The following FBXO47 variants were observed in gnomAD, a reference collection of about 807,000 sequenced individuals.
The protein encoded by FBXO47 is F-box protein 47, also known as F-box only protein 47.
FBXO47 carries 34 observed loss-of-function variants against 53.9 expected under a neutral mutation model. The observed-to-expected ratio is 0.63, with a 90% CI of 0.48 to 0.84. FBXO47 has a LOEUF of 0.84. Among genes scored for constraint, FBXO47 ranks in the 40% least tolerant of loss-of-function variants. FBXO47 has a pLI of 0.00. For synonymous variants in FBXO47, 165 were observed against 181.6 expected (o/e 0.91, Z 0.73); for missense variants, 485 against 541.3 (o/e 0.90, Z 1.03).
intron 1 of FBXO47, among the ~76,000 whole-genome samples, chr17:38,964,386 A>C (rs912106559): frequency 2.0e-5 from 3 of 152,154 alleles, no homozygotes; most frequent in Non-Finnish European, 4.4e-5. Context: ...ACCTGAGGTC[A>C]GGAGTTCGAG....
intron 6 of FBXO47, among the ~76,000 whole-genome samples, chr17:38,947,081 A>AATATAT (rs1904975241): frequency 7.9e-6 from 1 of 126,458 alleles, no homozygotes; most frequent in African/African-American, 3.1e-5. Flanking sequence ...AACATATATA[A>AATATAT]ACATATATAT....
chr17:38,955,829 A>G (rs2143948237), intron 4 of FBXO47, among the ~76,000 whole-genome samples: 1 of 151,854 alleles, frequency 6.6e-6, no homozygotes. Flanking sequence ...GTGGTGGCGC[A>G]CGCCTGTAAT....
intron 1 of FBXO47, among the ~76,000 whole-genome samples, chr17:38,966,145 T>C (rs1271582584): frequency 6.6e-6 from 1 of 152,120 alleles, no homozygotes; most frequent in African/African-American, 2.4e-5. Flanking sequence ...CCAAGTAAAA[T>C]AATCTTAATT....
chr17:38,965,837 C>T (rs1906085774), intron 1 of FBXO47, among the ~76,000 whole-genome samples: 1 of 145,874 alleles, frequency 6.9e-6, no homozygotes, highest in South Asian at 2.2e-4. Flanking sequence ...GAGCCGAGAT[C>T]ACACCACTGC....
intron 6 of FBXO47, among the ~76,000 whole-genome samples, chr17:38,947,733 T>TCC (rs961685303): frequency 9.2e-5 from 14 of 151,840 alleles, no homozygotes; most frequent in Admixed American, 8.6e-4. Context: ...CATGGTGAAA[T>TCC]CCCGTCTTTA....
intron 9 of FBXO47, among the ~76,000 whole-genome samples, chr17:38,941,781 C>G (rs1904524589): frequency 6.6e-6 from 1 of 151,360 alleles, no homozygotes; most frequent in Non-Finnish European, 1.5e-5. Context: ...TCAATCAATC[C>G]TCCCACCTCA....
intron 5 of FBXO47, among the ~76,000 whole-genome samples, chr17:38,953,948 A>C (rs1179628832): frequency 6.6e-6 from 1 of 152,184 alleles, no homozygotes; most frequent in African/African-American, 2.4e-5. Context: ...GCACAGCAAG[A>C]TTCTTACGGG....
chr17:38,962,149 T>A, intron 2 of FBXO47, 102 bp from the exon 3 acceptor site: 2 of 899,050 alleles, frequency 2.2e-6, no homozygotes, highest in Non-Finnish European at 3.3e-6. Flanking sequence ...ATCGTCATCA[T>A]TATCACCATC....
At chr17:38,952,656 A>T (rs1905353521) in intron 5 of FBXO47, among the ~76,000 whole-genome samples, 1 of 152,050 alleles carries the variant, frequency 6.6e-6, no homozygotes, top group Non-Finnish European at 1.5e-5. Context: ...GCAAGTAACT[A>T]AAACCCTGAA....
rs1399512474 is a variant in FBXO47, at chr17:38,966,463, G to A, written c.-27+766C>T. The stretch of plus-strand genomic sequence containing the variant: ...GATCCGCCTGCCCCGGCCTCCCAAA[G>A]TGCTGGGATTTACAGGCGTGAGCCA... On this transcript the variant is annotated intron_variant, in intron 1 of 10. Coordinates refer to ENST00000378079, the MANE Select transcript of FBXO47 (RefSeq NM_001008777.3). Among the ~76,000 whole-genome samples the A allele has an allele frequency of 3.9e-5, 6 of 152,324 alleles. No individual in the cohort carries two copies. The South Asian group carries it at 1.2e-3, about 32-fold the overall frequency.
intron 3 of FBXO47, among the ~76,000 whole-genome samples, chr17:38,959,873 C>A (rs1414009879): frequency 1.3e-5 from 2 of 151,976 alleles, no homozygotes; most frequent in African/African-American, 4.8e-5. Context: ...CCTATGAGGG[C>A]AAATGTCCTC....
At chr17:38,947,121 C>CAG (rs1904986866) in intron 6 of FBXO47, among the ~76,000 whole-genome samples, 1 of 116,600 alleles carries the variant, frequency 8.6e-6, no homozygotes, top group Admixed American at 8.7e-5. Flanking sequence ...TATATATAAA[C>CAG]ATATATATAA....
At position 38,946,885 on chromosome 17, in the gene FBXO47, TATATATATAAACATATATAA is replaced by T. The variant is rs1166608871; in HGVS notation, c.617-1769_617-1750del. ...ATAAATATATAAACATATATATAAA[TATATATATAAACATATATAA>T]ATATATATAAACATATATAAACATA... On this transcript the variant is annotated intron_variant, in intron 6 of 10. Transcript: ENST00000378079. Among the ~76,000 whole-genome samples the T allele has an allele frequency of 7.2e-4, 79 of 109,480 alleles. 1 individual carries two copies. The highest frequency in any genetic ancestry group is 1.9e-3 in the Admixed American group (16 of 8,590). The allele number at this position is 109,480 out of a possible 152,430, so 71.8% of individuals were successfully genotyped here. A position where few individuals can be genotyped will look rare whatever the true frequency, so the allele number is the denominator to read the frequency against.
At chr17:38,963,888 T>C (rs779656877) in intron 1 of FBXO47, among the ~76,000 whole-genome samples, 1 of 149,062 alleles carries the variant, frequency 6.7e-6, no homozygotes, top group Middle Eastern at 3.2e-3. Flanking sequence ...TCTTGAACTC[T>C]TGGGCTCAAA....
chr17:38,952,815 C>CTTTTTTTTTTTTT (rs139105548), intron 5 of FBXO47, among the ~76,000 whole-genome samples: 2 of 115,356 alleles, frequency 1.7e-5, no homozygotes, highest in East Asian at 5.6e-4. Flanking sequence ...TTATTTATGA[C>CTTTTTTTTTTTTT]TTTTTTTTTT....
chr17:38,950,168 A>G (rs1905187369), intron 6 of FBXO47, among the ~76,000 whole-genome samples: 1 of 151,334 alleles, frequency 6.6e-6, no homozygotes, highest in Non-Finnish European at 1.5e-5. Flanking sequence ...TTAAGCAGTA[A>G]CTCCCCACTC....
intron 3 of FBXO47, among the ~76,000 whole-genome samples, chr17:38,958,970 G>A (rs1020901378): frequency 2.0e-5 from 3 of 151,856 alleles, no homozygotes; most frequent in Non-Finnish European, 2.9e-5. Context: ...GGAATTCCAG[G>A]CATTAATTCT....
intron 1 of FBXO47, among the ~76,000 whole-genome samples, chr17:38,963,296 GCCT>G (rs1485284559): frequency 1.3e-5 from 2 of 152,032 alleles, no homozygotes; most frequent in Non-Finnish European, 2.9e-5. Context: ...TTCTGCCTCA[GCCT>G]CCTAAGTAGC....
At chr17:38,953,431 C>G (rs1012504352) in intron 5 of FBXO47, among the ~76,000 whole-genome samples, 18 of 152,128 alleles carry the variant, frequency 1.2e-4, no homozygotes, top group African/African-American at 3.6e-4. Flanking sequence ...TTGAGACCAG[C>G]CTGACCAACA....
Sources: gnomAD v4.1 joint callset for allele counts (sites outside exome capture counted in the v4.1 genomes callset) on GRCh38, gnomAD v4.1.1 for gene constraint, MANE v1.5 for transcripts, NCBI Gene and HGNC (gene_info 2026-07-23, HGNC 2026-07-21) for gene names.